Variants in DCST2 observed in about 807,000 individuals in gnomAD.
DCST2 encodes DC-STAMP domain-containing protein 2.
A neutral mutation model predicts 81.8 loss-of-function variants in DCST2; 64 were observed. That is an observed-to-expected ratio of 0.78 (90% CI 0.64 to 0.96). DCST2 has a LOEUF of 0.96. Ranked by LOEUF, DCST2 falls within the 40% of genes least tolerant of loss-of-function variation. The probability of loss-of-function intolerance (pLI) is 0.00; values close to 1 mark genes in which losing one functional copy is unlikely to be tolerated. For missense variants in DCST2, 945 were observed against 1,001.4 expected, an observed-to-expected ratio of 0.94 and a Z score of 0.76; for synonymous variants, 354 against 402.6, an observed-to-expected ratio of 0.88 and a Z score of 1.44.
At chr1:155,018,804 T>C in intron 14 of DCST2, 44 bp from the exon 15 acceptor site, 2 of 1,573,388 alleles carry the variant, frequency 1.3e-6, no homozygotes, top group Non-Finnish European at 1.7e-6. Context: ...CCACCTTCTG[T>C]CTTCACAGGT....
intron 11 of DCST2, 114 bp downstream of exon 11, chr1:155,024,358 C>A (rs1327574049): frequency 1.2e-5 from 17 of 1,391,838 alleles, no homozygotes; most frequent in African/African-American, 1.5e-5. Flanking sequence ...ATGCAATGGG[C>A]ATTCTCTTCA....
In DCST2 at chr1:155,018,676, G is replaced by A. The variant is rs1485226137; in HGVS notation, c.2190C>T (p.Leu730=). The part of the protein sequence containing the change: ...LPEAHQPVSI[L]TSPEPHRPPE... ...GTGGTCTGTGGGGCTCAGGGCTGGT[G>A]AGAATGCTGACAGGCTGATGGGCTT... is the stretch of plus-strand genomic sequence containing the variant. Residue 730 remains leucine, a synonymous_variant, in exon 15 of 15, where the codon CTC becomes CTT. Coordinates refer to ENST00000368424, the MANE Select transcript of DCST2 (RefSeq NM_144622.3). The A allele has an allele frequency of 6.2e-6, 10 of 1,614,006 alleles. No homozygotes were observed. The highest frequency in any genetic ancestry group is 1.7e-6 in the Non-Finnish European group (2 of 1,179,962).
chr1:155,019,723 G>A (rs1659692520), intron 14 of DCST2, among the ~76,000 whole-genome samples: 1 of 152,000 alleles, frequency 6.6e-6, no homozygotes, highest in African/African-American at 2.4e-5. Context: ...CCCAGAAAAA[G>A]CCCTCCACCT....
At chr1:155,031,397 C>T (rs1382854349) in intron 4 of DCST2, among the ~76,000 whole-genome samples, 163 bp from the exon 5 acceptor site, 1 of 152,012 alleles carries the variant, frequency 6.6e-6, no homozygotes, top group Non-Finnish European at 1.5e-5. Flanking sequence ...TCTCCCAACA[C>T]CAGTCCCTCC....
chr1:155,025,001 A>G (rs1473711710), intron 10 of DCST2, among the ~76,000 whole-genome samples: 1 of 151,954 alleles, frequency 6.6e-6, no homozygotes, highest in Non-Finnish European at 1.5e-5. Flanking sequence ...ATACAAAATT[A>G]ACTGGGGTGG....
chr1:155,023,839 G>T lies in DCST2; in HGVS notation c.1863C>A (p.Gly621=), dbSNP rs1202599592. 1.9e-6 allele frequency: 3 copies of T among 1,613,466 alleles called. No individual in the cohort carries two copies. Among genetic ancestry groups the T allele is most frequent in the Non-Finnish European group, 2.5e-6 (3 of 1,179,892 alleles). Residue 621 remains glycine, a synonymous_variant, in exon 12 of 15, where the codon GGC becomes GGA. Transcript: ENST00000368424. ...CGCCCCAGGGGGTCTCACCTTGGCA[G>T]CCGGGGGTACTGCAGGACACAGTGT... ...MENTVSCSTP[G]CQGLYCLTCF...
chr1:155,032,530 T>G (rs1660126128), intron 3 of DCST2, 137 bp downstream of exon 3: 1 of 630,130 alleles, frequency 1.6e-6, no homozygotes, highest in Non-Finnish European at 2.8e-6. Context: ...TTGCCAAGGC[T>G]GGTCTCAAAC....
chr1:155,033,306 A>G, intron 1 of DCST2, 42 bp from the exon 2 acceptor site: 1 of 1,593,220 alleles, frequency 6.3e-7, no homozygotes, highest in South Asian at 1.1e-5. Context: ...CCCAGCCCCA[A>G]ACATGGCAGC....
At chr1:155,023,713 G>A (rs1659818350) in intron 12 of DCST2, 119 bp downstream of exon 12, 13 of 1,578,288 alleles carry the variant, frequency 8.2e-6, no homozygotes, top group Middle Eastern at 1.7e-4. Flanking sequence ...TAGTAATGAA[G>A]GGAGGGGCAC....
chr1:155,018,849 G>T, intron 14 of DCST2, 89 bp from the exon 15 acceptor site: 1 of 1,317,274 alleles, frequency 7.6e-7, no homozygotes, highest in Non-Finnish European at 1.1e-6. Context: ...CATCTGTTCA[G>T]ATCCAGCTCC....
At position 155,024,386 on chromosome 1, in the gene DCST2, TTAGA is replaced by T. The variant is rs549534739; in HGVS notation, c.1742+82_1742+85del. 490 of 1,464,424 alleles carry T rather than the reference TTAGA, an allele frequency of 3.3e-4. 3 individuals carry two copies. The African/African-American group carries it at 6.0e-3, about 18-fold the overall frequency. 90.7% of individuals were successfully genotyped at this position (1,464,424 alleles called of 1,614,324 possible). A position where few individuals can be genotyped will look rare whatever the true frequency, so the allele number is the denominator to read the frequency against. Reference sequence around the variant, plus strand: ...TCTCTTCAACCAAATCTCTTGACACTTAGATAGCACAGAAATCCATTCCAACTCC... The same window carrying T: ...TCTCTTCAACCAAATCTCTTGACACTTAGCACAGAAATCCATTCCAACTCC... On this transcript the variant is annotated intron_variant, in intron 11 of 14. Coordinates refer to ENST00000368424, the MANE Select transcript of DCST2 (RefSeq NM_144622.3).
intron 8 of DCST2, 63 bp from the exon 9 acceptor site, chr1:155,026,778 T>A: frequency 5.0e-6 from 8 of 1,593,690 alleles, no homozygotes; most frequent in Non-Finnish European, 6.9e-6. Context: ...ACCCCACACC[T>A]TCTGGAATGA....
At position 155,030,088 on chromosome 1, in the gene DCST2, T is replaced by G. The variant is rs1292894908; in HGVS notation, c.1173A>C (p.Pro391=). 1.2e-6 allele frequency: 2 copies of G among 1,613,102 alleles called. No individual in the cohort carries two copies. Among genetic ancestry groups the G allele is most frequent in the South Asian group, 2.2e-5 (2 of 91,024 alleles). ...LSAHEARRYI[P]PGSIFLSQWE... is the part of the protein sequence containing the mutation. ...CCCTGTCCTCAGGGCCCTCACCCGG[T>G]GGGATGTAGCGCCTGGCCTCGTGAG... is the stretch of plus-strand genomic sequence containing the variant. Residue 391 remains proline, a synonymous_variant, in exon 7 of 15, where the codon CCA becomes CCC. Coordinates refer to ENST00000368424, the MANE Select transcript of DCST2 (RefSeq NM_144622.3).
Position 155,023,962 on chromosome 1 carries a change from G to T in DCST2, c.1743-3C>A. 1 of 1,612,110 alleles carries T rather than the reference G, an allele frequency of 6.2e-7. No individual in the cohort carries two copies. Among genetic ancestry groups the T allele is most frequent in the South Asian group, 1.1e-5 (1 of 90,832 alleles). On this transcript the variant is annotated splice_polypyrimidine_tract_variant and splice_region_variant and intron_variant, in intron 11 of 14. Transcript: ENST00000368424. The stretch of plus-strand genomic sequence containing the variant: ...CAAATGGACCTAGGCAGGGGCACCT[G>T]AGAAAAGGGTCACAGACACTAAGCA...
At chr1:155,028,798 G>C (rs1029801952) in intron 8 of DCST2, among the ~76,000 whole-genome samples, 1 of 151,284 alleles carries the variant, frequency 6.6e-6, no homozygotes, top group Non-Finnish European at 1.5e-5. Context: ...ACTTAAACCT[G>C]GGAGGCGGAG....
chr1:155,024,380 T>C lies in DCST2; in HGVS notation c.1742+92A>G, dbSNP rs547727651. 2.8e-6 allele frequency: 4 copies of C among 1,449,116 alleles called. No homozygotes were observed. In the East Asian group the frequency reaches 1.0e-4, roughly 36 times the overall value. The allele number at this position is 1,449,116 out of a possible 1,614,324, so 89.8% of individuals were successfully genotyped here. On this transcript the variant is annotated intron_variant, in intron 11 of 14. Transcript: ENST00000368424. ...GGGCATTCTCTTCAACCAAATCTCT[T>C]GACACTTAGATAGCACAGAAATCCA... is the stretch of plus-strand genomic sequence containing the variant.
In DCST2 at chr1:155,029,247, T is replaced by TC; in HGVS notation, c.1327dup (p.Glu443GlyfsTer26). 1 of 1,613,262 alleles carries TC rather than the reference T, an allele frequency of 6.2e-7. No individual in the cohort carries two copies. The highest frequency in any genetic ancestry group is 1.1e-5 in the South Asian group (1 of 91,038). On this transcript the variant is annotated frameshift_variant, in exon 8 of 15. Transcript: ENST00000368424. LOFTEE classifies it high-confidence loss of function. ...TAGGCACTCACTGCGGGCCACAATC[T>TC]CCCCCTGCAGCTGGTGCCGGGCCAG...
intron 5 of DCST2, 122 bp from the exon 6 acceptor site, chr1:155,030,767 C>G: frequency 1.9e-6 from 2 of 1,057,736 alleles, no homozygotes; most frequent in Non-Finnish European, 2.8e-6. Context: ...GGGAACCCCC[C>G]AGTGCTTGGG....
chr1:155,021,305 T>G (rs1427584146), intron 14 of DCST2, among the ~76,000 whole-genome samples: 1 of 151,890 alleles, frequency 6.6e-6, no homozygotes, highest in African/African-American at 2.4e-5. Context: ...CCTGGCAAGT[T>G]TTTGTATTTT....
Sources: gnomAD v4.1 joint callset for allele counts (sites outside exome capture counted in the v4.1 genomes callset) on GRCh38, gnomAD v4.1.1 for gene constraint, MANE v1.5 for transcripts, NCBI Gene and HGNC (gene_info 2026-07-23, HGNC 2026-07-21) for gene names.